The following B4GALT5 variants were observed in gnomAD, a reference collection of about 807,000 sequenced individuals.
The protein encoded by B4GALT5 is beta-1,4-galactosyltransferase 5, also known as UDP-Gal:beta-GlcNAc beta-1,4-galactosyltransferase 5.
A neutral mutation model predicts 45.0 loss-of-function variants in B4GALT5; 11 were observed. That is an observed-to-expected ratio of 0.24 (90% CI 0.15 to 0.40). The LOEUF (loss-of-function observed/expected upper bound fraction) is 0.40. Among genes scored for constraint, B4GALT5 ranks in the 10% least tolerant of loss-of-function variants. The pLI, the probability that B4GALT5 is intolerant of heterozygous loss-of-function variation, is 1.00. For missense variants in B4GALT5, 337 were observed against 500.2 expected, an observed-to-expected ratio of 0.67 and a Z score of 3.11; for synonymous variants, 185 against 182.9, an observed-to-expected ratio of 1.01 and a Z score of -0.09.
chr20:49,692,289 G>A (rs889212844), intron 1 of B4GALT5, among the ~76,000 whole-genome samples: 20 of 144,238 alleles, frequency 1.4e-4, no homozygotes, highest in African/African-American at 4.8e-4. Flanking sequence ...CAAAGTGAGA[G>A]CCTGTCTCTA....
At chr20:49,663,696 TA>T (rs2085676402) in intron 1 of B4GALT5, among the ~76,000 whole-genome samples, 2 of 66,482 alleles carry the variant, frequency 3.0e-5, no homozygotes, top group African/African-American at 6.8e-5. Context: ...AAAAAATATA[TA>T]CATATATATA....
intron 1 of B4GALT5, among the ~76,000 whole-genome samples, chr20:49,687,661 A>G (rs528699408): frequency 8.5e-5 from 13 of 152,288 alleles, no homozygotes; most frequent in Middle Eastern, 3.4e-3. Flanking sequence ...AATAAAAAAT[A>G]AAATAAAATA....
chr20:49,700,430 G>C (rs1241461433), intron 1 of B4GALT5, among the ~76,000 whole-genome samples: 1 of 152,082 alleles, frequency 6.6e-6, no homozygotes, highest in African/African-American at 2.4e-5. Context: ...CAAGTAGCTG[G>C]GGCTACAGGC....
At chr20:49,637,864 G>A (rs1368237392) in intron 7 of B4GALT5, among the ~76,000 whole-genome samples, 6 of 151,914 alleles carry the variant, frequency 3.9e-5, no homozygotes, top group African/African-American at 1.2e-4. Context: ...ACTTGAACCC[G>A]GGAGGCAAAG....
intron 1 of B4GALT5, among the ~76,000 whole-genome samples, chr20:49,657,180 T>A (rs2085647047): frequency 1.3e-5 from 2 of 152,212 alleles, no homozygotes; most frequent in Non-Finnish European, 2.9e-5. Context: ...GGTCTGGTCT[T>A]GGCAACCTTT....
chr20:49,671,091 C>T (rs1449226911), intron 1 of B4GALT5, among the ~76,000 whole-genome samples: 5 of 151,990 alleles, frequency 3.3e-5, no homozygotes, highest in East Asian at 1.9e-4. Context: ...AAAATCATAC[C>T]GTGCAGGCCA....
chr20:49,695,094 G>A (rs930047497), intron 1 of B4GALT5, among the ~76,000 whole-genome samples: 2 of 144,246 alleles, frequency 1.4e-5, no homozygotes. Flanking sequence ...TTTTCATTAG[G>A]TTCTTTTTTT....
chr20:49,658,677 T>A (rs2085652970), intron 1 of B4GALT5, among the ~76,000 whole-genome samples: 1 of 152,088 alleles, frequency 6.6e-6, no homozygotes, highest in African/African-American at 2.4e-5. Context: ...GGGCAGTCAT[T>A]CTCTAATGTT....
At position 49,663,714 on chromosome 20, in the gene B4GALT5, T is replaced by A. The variant is rs1423768795; in HGVS notation, c.116-7012A>T. Among the ~76,000 whole-genome samples, 42 of 121,254 alleles carry A rather than the reference T, an allele frequency of 3.5e-4. 1 individual carries two copies. The highest frequency in any genetic ancestry group is 2.3e-3 in the East Asian group (10 of 4,366). 79.5% of individuals were successfully genotyped at this position (121,254 alleles called of 152,430 possible). On this transcript the variant is annotated intron_variant, in intron 1 of 8. Transcript: ENST00000371711. ...AAATATATACATATATATATATATA[T>A]ATATATATATATATGAAAAATGGGC...
intron 1 of B4GALT5, among the ~76,000 whole-genome samples, chr20:49,710,246 A>G (rs1043828861): frequency 6.6e-6 from 1 of 152,246 alleles, no homozygotes; most frequent in Non-Finnish European, 1.5e-5. Context: ...AGAAGGAAAT[A>G]TAAGTCCAAT....
chr20:49,701,613 T>C (rs973246522), intron 1 of B4GALT5, among the ~76,000 whole-genome samples: 1 of 152,100 alleles, frequency 6.6e-6, no homozygotes, highest in Non-Finnish European at 1.5e-5. Flanking sequence ...CAGAATATTC[T>C]GGTGAATAAA....
intron 1 of B4GALT5, among the ~76,000 whole-genome samples, chr20:49,676,219 C>T (rs902549741): frequency 6.6e-6 from 1 of 151,862 alleles, no homozygotes; most frequent in South Asian, 2.1e-4. Context: ...GTGTGTGTTA[C>T]AGGAAAGCTA....
chr20:49,673,214 T>C (rs577319915), intron 1 of B4GALT5, among the ~76,000 whole-genome samples: 70 of 152,158 alleles, frequency 4.6e-4, no homozygotes, highest in African/African-American at 1.6e-3. Flanking sequence ...ACCCCATCTC[T>C]ACTAAAAATA....
intron 1 of B4GALT5, among the ~76,000 whole-genome samples, chr20:49,685,160 C>G (rs746044749): frequency 6.6e-6 from 1 of 152,162 alleles, no homozygotes; most frequent in Non-Finnish European, 1.5e-5. Flanking sequence ...CACACCACTC[C>G]GCATCAGGTG....
chr20:49,664,534 A>G (rs978057570), intron 1 of B4GALT5, among the ~76,000 whole-genome samples: 1 of 152,074 alleles, frequency 6.6e-6, no homozygotes, highest in Non-Finnish European at 1.5e-5. Flanking sequence ...TGGACCAAAA[A>G]AAAGCAGGGG....
intron 1 of B4GALT5, among the ~76,000 whole-genome samples, chr20:49,663,426 G>A (rs2085673022): frequency 7.2e-6 from 1 of 138,186 alleles, no homozygotes. Context: ...AAATTGATAT[G>A]CACTCACATA....
chr20:49,638,547 A>G (rs1310271027), intron 7 of B4GALT5, among the ~76,000 whole-genome samples: 1 of 152,238 alleles, frequency 6.6e-6, no homozygotes, highest in Non-Finnish European at 1.5e-5. Context: ...AGCTAAATCT[A>G]TGTAGACATA....
intron 1 of B4GALT5, among the ~76,000 whole-genome samples, chr20:49,672,183 T>C (rs1254610464): frequency 6.6e-6 from 1 of 152,208 alleles, no homozygotes; most frequent in Non-Finnish European, 1.5e-5. Context: ...ATGGGGATAA[T>C]ATATTTTAAT....
chr20:49,679,387 CGAAAG>C (rs1568727891), intron 1 of B4GALT5, among the ~76,000 whole-genome samples: 1 of 151,878 alleles, frequency 6.6e-6, no homozygotes, highest in African/African-American at 2.4e-5. Flanking sequence ...CCTACAATAC[CGAAAG>C]TTAGTTAAAC....
Sources: allele counts gnomAD v4.1 joint callset (sites outside exome capture counted in the v4.1 genomes callset), GRCh38; gene constraint gnomAD v4.1.1; transcripts MANE v1.5; gene names NCBI Gene and HGNC (gene_info 2026-07-23, HGNC 2026-07-21).